COL4A5: variants seen among roughly 807,000 people sequenced by gnomAD.
The protein encoded by COL4A5 is collagen alpha-5(IV) chain.
COL4A5 carries 26 observed loss-of-function variants against 130.2 expected under a neutral mutation model. The observed-to-expected ratio is 0.20, with a 90% confidence interval of 0.15 to 0.28. COL4A5 has a LOEUF of 0.28. Among genes scored for constraint, COL4A5 ranks in the 10% least tolerant of loss-of-function variants. The pLI is 1.00. For synonymous variants in COL4A5, 496 were observed against 439.6 expected (o/e 1.13, Z -1.60); for missense variants, 1,131 against 1,344.3 (o/e 0.84, Z 2.48).
rs1237408842 is a variant in COL4A5 at position 108,466,203 on chromosome X, A to G, written c.81+25997A>G. The stretch of plus-strand genomic sequence containing the variant: ...ATCTATTGTGATGAGTGCTGCTATG[A>G]ACATGTATATATATATGTATTTGTT... On this transcript the variant is annotated intron_variant, in intron 1 of 52. Coordinates refer to ENST00000328300, the MANE Select transcript of COL4A5 (RefSeq NM_033380.3). Among the ~76,000 whole-genome samples the G allele has an allele frequency of 2.7e-5, 3 of 111,144 alleles. No homozygotes were observed. In the East Asian group the frequency reaches 8.4e-4, roughly 31 times the overall value.
intron 30 of COL4A5, among the ~76,000 whole-genome samples, chrX:108,617,529 A>T (rs28526418): frequency 0.1 from 11,635 of 111,388 alleles, 1,304 homozygotes; most frequent in African/African-American, 0.34. Context: ...CGGTTATAAG[A>T]TAAGGTCCCA....
At chrX:108,619,292 A>G (rs1037454361) in intron 30 of COL4A5, among the ~76,000 whole-genome samples, 1 of 111,719 alleles carries the variant, frequency 9.0e-6, no homozygotes, top group Non-Finnish European at 1.9e-5. Context: ...TGAGTCTTCA[A>G]CAATAAATTT....
At chrX:108,463,378 T>G (rs2064672901) in intron 1 of COL4A5, among the ~76,000 whole-genome samples, 1 of 111,803 alleles carries the variant, frequency 8.9e-6, no homozygotes, top group Non-Finnish European at 1.9e-5. Flanking sequence ...TTGAGTCATA[T>G]TACCTATTAC....
At chrX:108,690,636 C>T (rs962781181) in intron 49 of COL4A5, among the ~76,000 whole-genome samples, 8 of 111,617 alleles carry the variant, frequency 7.2e-5, no homozygotes, top group African/African-American at 2.6e-4. Context: ...GGGCAATCTC[C>T]TTTCCCATGT....
At chrX:108,616,056 A>C (rs1192421568) in intron 30 of COL4A5, among the ~76,000 whole-genome samples, 1 of 111,953 alleles carries the variant, frequency 8.9e-6, no homozygotes, top group African/African-American at 3.2e-5. Context: ...GGTCCCTGAC[A>C]TGTCACTACT....
intron 28 of COL4A5, 106 bp downstream of exon 28, chrX:108,603,167 T>C: frequency 2.0e-6 from 1 of 501,248 alleles, no homozygotes; most frequent in Non-Finnish European, 3.4e-6. Context: ...CCCAAGTCTT[T>C]ACTATAAATA....
chrX:108,483,762 C>G (rs2064916339), intron 1 of COL4A5, among the ~76,000 whole-genome samples: 1 of 112,157 alleles, frequency 8.9e-6, no homozygotes, highest in African/African-American at 3.2e-5. Flanking sequence ...CCCTTTTCTC[C>G]ACATCCTTTC....
At chrX:108,655,230 A>T in intron 36 of COL4A5, 101 bp from the exon 37 acceptor site, 1 of 940,090 alleles carries the variant, frequency 1.1e-6, no homozygotes, top group Non-Finnish European at 1.5e-6. Context: ...TACTTACTGG[A>T]GTGCCTGACA....
At chrX:108,526,082 G>A (rs1313423486) in intron 1 of COL4A5, among the ~76,000 whole-genome samples, 1 of 111,366 alleles carries the variant, frequency 9.0e-6, no homozygotes, top group Non-Finnish European at 1.9e-5. Context: ...ACACACGGTA[G>A]GGGAAGATCA....
At chrX:108,678,256 G>A in intron 44 of COL4A5, among the ~76,000 whole-genome samples, 1 of 111,779 alleles carries the variant, frequency 8.9e-6, no homozygotes, top group Non-Finnish European at 1.9e-5. Context: ...AATCTGGACT[G>A]TCTTTTAATT....
chrX:108,579,065 T>TG (rs1050990330), intron 13 of COL4A5, among the ~76,000 whole-genome samples: 52 of 111,773 alleles, frequency 4.7e-4, no homozygotes, highest in African/African-American at 1.7e-3. Flanking sequence ...TTCAATTTTT[T>TG]TTTTAGTGCA....
chrX:108,559,220 T>TCC, intron 3 of COL4A5, 67 bp downstream of exon 3: 3 of 805,825 alleles, frequency 3.7e-6, no homozygotes, highest in Non-Finnish European at 3.8e-6. Context: ...GGACTAGGTG[T>TCC]CACATCAACT....
rs1421876046 is a variant in COL4A5 at position 108,696,624 on chromosome X, G to C, written c.*246G>C. 2 of 237,167 alleles carry C rather than the reference G, an allele frequency of 8.4e-6. No individual in the cohort carries two copies. The highest frequency in any genetic ancestry group is 5.8e-5 in the African/African-American group (2 of 34,705). 19.5% of individuals were successfully genotyped at this position (237,167 alleles called of 1,213,427 possible). ...GAAGTGAATTTACTTTTTGGGTCCA[G>C]AATGACTTTCTCCAAGAATTATAAG... On this transcript the variant is annotated 3_prime_UTR_variant, in exon 53 of 53. Transcript: ENST00000328300.
At chrX:108,587,470 A>G (rs1007031506) in intron 19 of COL4A5, among the ~76,000 whole-genome samples, 1 of 111,997 alleles carries the variant, frequency 8.9e-6, no homozygotes, top group Non-Finnish European at 1.9e-5. Flanking sequence ...TTATGGCCAA[A>G]TAATATTCCA....
At chrX:108,665,418 A>G (rs1349298498) in intron 37 of COL4A5, 89 bp from the exon 38 acceptor site, 8 of 627,261 alleles carry the variant, frequency 1.3e-5, no homozygotes, top group Non-Finnish European at 1.8e-5. Flanking sequence ...CACTGTTTCT[A>G]TGCTAGCACT....
At chrX:108,588,289 A>G (rs762830626) in intron 19 of COL4A5, among the ~76,000 whole-genome samples, 1 of 111,403 alleles carries the variant, frequency 9.0e-6, no homozygotes, top group African/African-American at 3.2e-5. Context: ...TACTAAAATG[A>G]TGAGATGAGT....
At chrX:108,691,615 A>G (rs770223192) in intron 49 of COL4A5, among the ~76,000 whole-genome samples, 68 of 111,744 alleles carry the variant, frequency 6.1e-4, no homozygotes, top group African/African-American at 2.1e-3. Context: ...GGTATATTCA[A>G]TATTAATTTT....
chrX:108,440,267 T>A (rs1243383941), intron 1 of COL4A5, 61 bp downstream of exon 1: 5 of 793,105 alleles, frequency 6.3e-6, no homozygotes, highest in Non-Finnish European at 9.3e-6. Flanking sequence ...AATTACCTTT[T>A]TTTTGGGGGG....
intron 31 of COL4A5, 111 bp downstream of exon 31, chrX:108,620,537 A>T: frequency 1.6e-6 from 1 of 629,804 alleles, no homozygotes; most frequent in Admixed American, 3.0e-5. Context: ...TCCCTTAAGG[A>T]TGAGCATTAA....
Sources: allele counts gnomAD v4.1 joint callset (sites outside exome capture counted in the v4.1 genomes callset), GRCh38; gene constraint gnomAD v4.1.1; transcripts MANE v1.5; gene names NCBI Gene and HGNC (gene_info 2026-07-23, HGNC 2026-07-21).